The following OSBPL1A variants were observed in gnomAD, a reference collection of about 807,000 sequenced individuals.
The protein encoded by OSBPL1A is oxysterol binding protein like 1A, also known as oxysterol-binding protein-related protein 1.
In OSBPL1A, 80 loss-of-function variants were observed where a neutral mutation model predicts 137.1. The observed-to-expected ratio is 0.58, with a 90% CI of 0.49 to 0.70. OSBPL1A has a LOEUF of 0.70. OSBPL1A is among the 30% of genes least tolerant of loss of function. OSBPL1A has a pLI of 0.00. For synonymous variants in OSBPL1A, 365 were observed against 389.7 expected (o/e 0.94, Z 0.75); for missense variants, 970 against 1,129.4 (o/e 0.86, Z 2.02).
intron 14 of OSBPL1A, among the ~76,000 whole-genome samples, chr18:24,283,285 T>TAC (rs1172777191): frequency 2.9e-5 from 2 of 69,906 alleles, no homozygotes; most frequent in African/African-American, 4.7e-5. Context: ...AAAAAAAATA[T>TAC]ATATATATAT....
At chr18:24,260,096 A>G (rs2089406243) in intron 15 of OSBPL1A, among the ~76,000 whole-genome samples, 1 of 152,218 alleles carries the variant, frequency 6.6e-6, no homozygotes, top group African/African-American at 2.4e-5. Context: ...AGGTGAATGC[A>G]AATCATAAAC....
chr18:24,186,296 A>G (rs1475161095), intron 18 of OSBPL1A, among the ~76,000 whole-genome samples: 1 of 152,172 alleles, frequency 6.6e-6, no homozygotes, highest in Non-Finnish European at 1.5e-5. Flanking sequence ...CTAGACACAA[A>G]CAATGTTACT....
In OSBPL1A at chr18:24,254,105, T is replaced by C. The variant is rs1211609058; in HGVS notation, c.1282-14723A>G. Among the ~76,000 whole-genome samples, 6 of 152,222 alleles carry C rather than the reference T, an allele frequency of 3.9e-5. No individual in the cohort carries two copies. In the East Asian group the frequency reaches 1.2e-3, roughly 29 times the overall value. ...GCAAGATGGAGTTGGTTAGGTCTTA[T>C]TTTACTGTCATAATTTCCTCAGTTA... On this transcript the variant is annotated intron_variant, in intron 15 of 27. Transcript: ENST00000319481.
At chr18:24,316,142 A>C (rs2090731508) in intron 11 of OSBPL1A, among the ~76,000 whole-genome samples, 1 of 151,648 alleles carries the variant, frequency 6.6e-6, no homozygotes, top group Admixed American at 6.6e-5. Context: ...TTCACCTATA[A>C]TCCCAGCTAC....
intron 4 of OSBPL1A, among the ~76,000 whole-genome samples, chr18:24,353,271 A>G (rs1370711972): frequency 2.0e-5 from 3 of 152,234 alleles, no homozygotes; most frequent in Admixed American, 1.3e-4. Context: ...ATGAACAGAC[A>G]CTTCTAAAAA....
rs750410099 is a variant in OSBPL1A at position 24,314,306 on chromosome 18, A to G, written c.912T>C (p.Phe304=). The change falls in exon 12 of 28, where the codon TTT becomes TTC. Residue 304 remains phenylalanine (F), a synonymous_variant. Coordinates refer to ENST00000319481, the MANE Select transcript of OSBPL1A (RefSeq NM_080597.4). The stretch of plus-strand genomic sequence containing the variant: ...CCCGGAAGCCATGAATGGTGTCATC[A>G]AAGCATTTAATAAAGAAGAGGCAGC... ...TDSCLFFIKC[F]DDTIHGFRVP... is the part of the protein sequence containing the mutation. 1 of 1,612,080 alleles carries G rather than the reference A, an allele frequency of 6.2e-7. No homozygotes were observed. The highest frequency in any genetic ancestry group is 1.7e-5 in the Admixed American group (1 of 59,546).
chr18:24,383,658 G>A (rs555407749), intron 1 of OSBPL1A, among the ~76,000 whole-genome samples: 1 of 152,296 alleles, frequency 6.6e-6, no homozygotes, highest in Non-Finnish European at 1.5e-5. Flanking sequence ...GGAGGCTGAG[G>A]CAAGAGAATT....
At chr18:24,226,960 C>T (rs1193616167) in intron 16 of OSBPL1A, among the ~76,000 whole-genome samples, 1 of 140,114 alleles carries the variant, frequency 7.1e-6, no homozygotes, top group Non-Finnish European at 1.5e-5. Flanking sequence ...GGTGCAATCT[C>T]GGCTCACTGC....
intron 15 of OSBPL1A, among the ~76,000 whole-genome samples, chr18:24,277,525 C>CA (rs1240998776): frequency 2.6e-5 from 4 of 152,062 alleles, no homozygotes; most frequent in Non-Finnish European, 5.9e-5. Context: ...GGGTGGTCAC[C>CA]ATTTTAAATA....
In OSBPL1A at chr18:24,318,824, A is replaced by G. The variant is rs757550684; in HGVS notation, c.626-15T>C. On this transcript the variant is annotated splice_polypyrimidine_tract_variant and intron_variant, in intron 7 of 27. Coordinates refer to ENST00000319481, the MANE Select transcript of OSBPL1A (RefSeq NM_080597.4). ...AGGTTTCTGATCTGTGCAAAATACA[A>G]AGAAAAAAAGCCATCAACAGCTTAA... The G allele has an allele frequency of 2.5e-6, 4 of 1,608,774 alleles. No individual in the cohort carries two copies. The East Asian group carries it at 8.9e-5, about 36-fold the overall frequency.
chr18:24,353,689 C>A (rs2091484027), intron 4 of OSBPL1A, among the ~76,000 whole-genome samples: 1 of 151,232 alleles, frequency 6.6e-6, no homozygotes, highest in South Asian at 2.1e-4. Context: ...CAATGATAGA[C>A]TGGATTAAGA....
chr18:24,295,429 T>C (rs2090271322), intron 14 of OSBPL1A, among the ~76,000 whole-genome samples: 1 of 152,254 alleles, frequency 6.6e-6, no homozygotes, highest in African/African-American at 2.4e-5. Context: ...AGGTTCCATT[T>C]ATTTATTTTT....
At chr18:24,293,787 T>G (rs551180649) in intron 14 of OSBPL1A, among the ~76,000 whole-genome samples, 2 of 152,190 alleles carry the variant, frequency 1.3e-5, no homozygotes, top group South Asian at 2.1e-4. Context: ...TGTCTCTCAC[T>G]CCAAGTGAGA....
intron 5 of OSBPL1A, among the ~76,000 whole-genome samples, chr18:24,340,341 A>C (rs114052985): frequency 1.8e-4 from 27 of 152,298 alleles, no homozygotes; most frequent in African/African-American, 6.0e-4. Flanking sequence ...ACCATCAAGA[A>C]ATTACTGCTG....
chr18:24,244,188 G>T (rs189586005), intron 15 of OSBPL1A, among the ~76,000 whole-genome samples: 1 of 152,242 alleles, frequency 6.6e-6, no homozygotes, highest in African/African-American at 2.4e-5. Flanking sequence ...TGCCTTCTGC[G>T]CAATCTCTTA....
At chr18:24,287,460 C>T (rs1012986615) in intron 14 of OSBPL1A, among the ~76,000 whole-genome samples, 4 of 152,178 alleles carry the variant, frequency 2.6e-5, no homozygotes, top group Non-Finnish European at 5.9e-5. Context: ...GGGTATGATG[C>T]TTGCCTGTCT....
At chr18:24,198,883 A>T (rs1599478192) in intron 17 of OSBPL1A, among the ~76,000 whole-genome samples, 1 of 143,894 alleles carries the variant, frequency 6.9e-6, no homozygotes, top group Non-Finnish European at 1.5e-5. Flanking sequence ...TTTGAGAGAG[A>T]GTCACACTCT....
Position 24,176,531 on chromosome 18 carries a change from T to C in OSBPL1A, c.2093+1482A>G, listed in dbSNP as rs186135013. On this transcript the variant is annotated intron_variant, in intron 21 of 27. Transcript: ENST00000319481. ...ATTTTAGTTTGTTGAGATTTTCCTG[T>C]TGCTTGGTATGCTGAATGATTTTGG... is the stretch of plus-strand genomic sequence containing the variant. Among the ~76,000 whole-genome samples the C allele has an allele frequency of 3.6e-3, 550 of 152,282 alleles. 2 individuals carry two copies. Among genetic ancestry groups the C allele is most frequent in the African/African-American group, 0.011 (469 of 41,548 alleles).
chr18:24,205,728 G>T (rs1440891787), intron 17 of OSBPL1A, among the ~76,000 whole-genome samples: 1 of 152,070 alleles, frequency 6.6e-6, no homozygotes, highest in African/African-American at 2.4e-5. Flanking sequence ...ACTAATTACA[G>T]TTTCAAAAGA....
Sources: allele counts gnomAD v4.1 joint callset (sites outside exome capture counted in the v4.1 genomes callset), GRCh38; gene constraint gnomAD v4.1.1; transcripts MANE v1.5; gene names NCBI Gene and HGNC (gene_info 2026-07-23, HGNC 2026-07-21).